The following DCC variants were observed in gnomAD, a reference collection of about 807,000 sequenced individuals.
The protein encoded by DCC is netrin receptor DCC.
A neutral mutation model predicts 172.5 loss-of-function variants in DCC; 58 were observed. The ratio of observed to expected loss-of-function variants is 0.34; its 90% CI spans 0.27 to 0.42. DCC has a LOEUF of 0.42. DCC is among the 10% of genes least tolerant of loss of function. DCC has a pLI of 1.00. For synonymous variants in DCC, 709 were observed against 644.5 expected (o/e 1.10, Z -1.52); for missense variants, 1,740 against 1,791.0 (o/e 0.97, Z 0.51).
chr18:52,913,758 G>A (rs1475736215), intron 3 of DCC, among the ~76,000 whole-genome samples: 2 of 151,938 alleles, frequency 1.3e-5, no homozygotes, highest in Non-Finnish European at 2.9e-5. Flanking sequence ...AGCCCTAGGT[G>A]GGTCATCTTA....
chr18:53,017,603 G>C (rs142666848), intron 5 of DCC, among the ~76,000 whole-genome samples: 1 of 152,068 alleles, frequency 6.6e-6, no homozygotes, highest in Non-Finnish European at 1.5e-5. Context: ...TGATATTCAA[G>C]GGTTATTCTT....
At chr18:52,750,245 A>C (rs2036973975) in intron 1 of DCC, among the ~76,000 whole-genome samples, 1 of 152,180 alleles carries the variant, frequency 6.6e-6, no homozygotes, top group Non-Finnish European at 1.5e-5. Flanking sequence ...AGGGCTTAAA[A>C]GACCTTTCTG....
At chr18:53,340,006 C>T in intron 15 of DCC, 99 bp downstream of exon 15, 2 of 992,038 alleles carry the variant, frequency 2.0e-6, no homozygotes, top group Non-Finnish European at 1.5e-6. Flanking sequence ...ATGATGGTTT[C>T]AACTTACAGC....
chr18:52,528,833 T>G (rs959513852), intron 1 of DCC, among the ~76,000 whole-genome samples: 10 of 152,110 alleles, frequency 6.6e-5, no homozygotes, highest in African/African-American at 2.2e-4. Context: ...TGCACAAATT[T>G]CCTGGGATAA....
intron 1 of DCC, among the ~76,000 whole-genome samples, chr18:52,596,821 C>T (rs902539811): frequency 2.0e-5 from 3 of 152,204 alleles, no homozygotes; most frequent in Admixed American, 6.5e-5. Flanking sequence ...TACATGGCCT[C>T]TTTCTTCCTA....
At chr18:53,512,813 A>G (rs2046274473) in intron 27 of DCC, among the ~76,000 whole-genome samples, 1 of 151,462 alleles carries the variant, frequency 6.6e-6, no homozygotes, top group African/African-American at 2.4e-5. Context: ...GGACTATGTG[A>G]AAAGACCAAA....
chr18:53,282,894 C>T (rs1046053159), intron 12 of DCC, among the ~76,000 whole-genome samples: 6 of 152,040 alleles, frequency 3.9e-5, no homozygotes, highest in Non-Finnish European at 8.8e-5. Flanking sequence ...GTCATTAATC[C>T]TAGAAAAAAG....
intron 5 of DCC, among the ~76,000 whole-genome samples, chr18:53,013,782 C>T (rs1207413357): frequency 2.0e-5 from 3 of 151,842 alleles, no homozygotes; most frequent in Non-Finnish European, 4.4e-5. Context: ...ATATAGCACA[C>T]TTCCAATCAA....
rs148058589 is a variant in DCC, at chr18:53,133,371, GT to G, written c.1262-23981del. On this transcript the variant is annotated intron_variant, in intron 7 of 28. Transcript: ENST00000442544. ...GATTTTAATGGAAAATCCAAGTACT[GT>G]TTTAGTTTTTTTCCTTTTCTTTTGC... 6.9e-3 allele frequency among the ~76,000 whole-genome samples: 1,046 copies of G among 152,246 alleles called. 13 individuals carry two copies. Among genetic ancestry groups the G allele is most frequent in the African/African-American group, 0.025 (1,023 of 41,544 alleles).
chr18:53,305,237 C>T (rs2057186515), intron 12 of DCC, among the ~76,000 whole-genome samples: 1 of 152,126 alleles, frequency 6.6e-6, no homozygotes, highest in Non-Finnish European at 1.5e-5. Context: ...CGATTTGCAC[C>T]TTCCAAATAT....
At chr18:52,794,242 T>G (rs2037829360) in intron 2 of DCC, among the ~76,000 whole-genome samples, 1 of 152,132 alleles carries the variant, frequency 6.6e-6, no homozygotes, top group South Asian at 2.1e-4. Flanking sequence ...AGTACTATGG[T>G]GGCATTGGGA....
chr18:53,400,321 T>C (rs1296375398), intron 18 of DCC, among the ~76,000 whole-genome samples: 1 of 152,082 alleles, frequency 6.6e-6, no homozygotes, highest in Non-Finnish European at 1.5e-5. Context: ...AGAAAGATGA[T>C]GTGTTAAAGA....
intron 5 of DCC, among the ~76,000 whole-genome samples, chr18:52,928,343 T>C (rs2040251489): frequency 6.6e-6 from 1 of 152,032 alleles, no homozygotes; most frequent in South Asian, 2.1e-4. Flanking sequence ...ACTATGCTTA[T>C]TACCTGGATG....
At chr18:53,501,648 A>G (rs1385050313) in intron 27 of DCC, among the ~76,000 whole-genome samples, 1 of 152,182 alleles carries the variant, frequency 6.6e-6, no homozygotes, top group Non-Finnish European at 1.5e-5. Flanking sequence ...TTATGCTGTT[A>G]ATGTTCTCTC....
chr18:52,932,310 A>G (rs888542261), intron 5 of DCC, among the ~76,000 whole-genome samples: 1 of 152,250 alleles, frequency 6.6e-6, no homozygotes, highest in Admixed American at 6.6e-5. Context: ...CCAGCTCCAC[A>G]CAGGAAGAAA....
intron 12 of DCC, among the ~76,000 whole-genome samples, chr18:53,232,842 C>G (rs548569705): frequency 6.6e-6 from 1 of 152,118 alleles, no homozygotes; most frequent in African/African-American, 2.4e-5. Flanking sequence ...TCCTATATGA[C>G]AGCCCCTGTG....
intron 1 of DCC, among the ~76,000 whole-genome samples, chr18:52,511,431 C>T (rs921274337): frequency 1.3e-5 from 2 of 152,002 alleles, no homozygotes; most frequent in Non-Finnish European, 2.9e-5. Flanking sequence ...TGTACCTCTT[C>T]GACGTGGAAA....
chr18:52,928,903 C>T (rs17391044), intron 5 of DCC, among the ~76,000 whole-genome samples: 3,170 of 152,186 alleles, frequency 0.021, 57 homozygotes, highest in Admixed American at 0.039. Flanking sequence ...TCAGCTTGTC[C>T]CACTGCTTGG....
In DCC at chr18:52,935,100, A is replaced by C. The variant is rs560218587; in HGVS notation, c.985+9730A>C. Among the ~76,000 whole-genome samples, 89 of 152,292 alleles carry C rather than the reference A, an allele frequency of 5.8e-4. 1 individual carries two copies. The highest frequency in any genetic ancestry group is 2.4e-3 in the Admixed American group (36 of 15,274). On this transcript the variant is annotated intron_variant, in intron 5 of 28. Transcript: ENST00000442544. ...TTGGTCTTTTTTATCAAAAGTGAGCAACAATGAAGACTTATATTATCAACA... is the reference window on the plus strand; with the variant it reads ...TTGGTCTTTTTTATCAAAAGTGAGCCACAATGAAGACTTATATTATCAACA...
Sources: allele counts gnomAD v4.1 joint callset (sites outside exome capture counted in the v4.1 genomes callset), GRCh38; gene constraint gnomAD v4.1.1; transcripts MANE v1.5; gene names NCBI Gene and HGNC (gene_info 2026-07-23, HGNC 2026-07-21).